HNF4G: variants seen among roughly 807,000 people sequenced by gnomAD.
The protein encoded by HNF4G is hepatocyte nuclear factor 4-gamma.
A neutral mutation model predicts 50.9 loss-of-function variants in HNF4G; 21 were observed. That is an observed-to-expected ratio of 0.41 (90% CI 0.29 to 0.59). The LOEUF is 0.59. Among genes scored for constraint, HNF4G ranks in the 20% least tolerant of loss-of-function variants. The probability of loss-of-function intolerance (pLI) is 0.26; values close to 1 mark genes in which losing one functional copy is unlikely to be tolerated. For missense variants in HNF4G, 527 were observed against 559.4 expected, an observed-to-expected ratio of 0.94 and a Z score of 0.58; for synonymous variants, 198 against 185.6, an observed-to-expected ratio of 1.07 and a Z score of -0.54.
chr8:75,522,866 GT>G (rs1279865882), intron 2 of HNF4G, among the ~76,000 whole-genome samples: 2 of 152,246 alleles, frequency 1.3e-5, no homozygotes, highest in East Asian at 3.9e-4. Context: ...TCTCACTGGA[GT>G]TTATTTACTT....
At chr8:75,473,353 A>C (rs1032480819) in intron 1 of HNF4G, among the ~76,000 whole-genome samples, 21 of 152,208 alleles carry the variant, frequency 1.4e-4, no homozygotes, top group Admixed American at 8.5e-4. Flanking sequence ...TATGTGATAC[A>C]TACATAAAAT....
chr8:75,411,739 C>T (rs1210007300), intron 1 of HNF4G, among the ~76,000 whole-genome samples: 2 of 152,112 alleles, frequency 1.3e-5, no homozygotes, highest in Non-Finnish European at 2.9e-5. Context: ...GGGCAGGCCT[C>T]GTTGTCAGAT....
At chr8:75,469,030 C>T (rs982345687) in intron 1 of HNF4G, among the ~76,000 whole-genome samples, 4 of 152,002 alleles carry the variant, frequency 2.6e-5, no homozygotes, top group African/African-American at 9.7e-5. Flanking sequence ...TATTTTTATA[C>T]TTAAAAGGCT....
intron 2 of HNF4G, among the ~76,000 whole-genome samples, chr8:75,501,216 G>A (rs1256160499): frequency 2.0e-5 from 3 of 152,106 alleles, no homozygotes; most frequent in Admixed American, 2.0e-4. Flanking sequence ...AATGTGGGGG[G>A]ATCACTTGAG....
At chr8:75,415,258 A>G (rs553486124) in intron 1 of HNF4G, among the ~76,000 whole-genome samples, 8 of 152,138 alleles carry the variant, frequency 5.3e-5, no homozygotes, top group African/African-American at 1.9e-4. Context: ...GAAGAGTTCT[A>G]TATATATTAT....
Position 75,445,780 on chromosome 8 carries a change from A to T in HNF4G, c.-144+37618A>T, listed in dbSNP as rs867656653. On this transcript the variant is annotated intron_variant, in intron 1 of 10. Transcript: ENST00000354370. ...CAATAACAGGAGCTGAAATTGTGGC[A>T]ATAATCAATAGTTTACCAACAAAAA... 4.2e-3 allele frequency among the ~76,000 whole-genome samples: 615 copies of T among 146,322 alleles called. 8 individuals carry two copies. The highest frequency in any genetic ancestry group is 0.01 in the South Asian group (47 of 4,568).
intron 1 of HNF4G, among the ~76,000 whole-genome samples, chr8:75,421,838 G>A (rs1208464444): frequency 1.3e-5 from 2 of 152,092 alleles, no homozygotes; most frequent in Non-Finnish European, 2.9e-5. Context: ...CCACATGCAC[G>A]GTGCACGTGG....
chr8:75,487,503 T>C (rs567008565), intron 1 of HNF4G, among the ~76,000 whole-genome samples: 39 of 152,284 alleles, frequency 2.6e-4, no homozygotes, highest in African/African-American at 8.9e-4. Flanking sequence ...TACTATCCAA[T>C]CACACTTCTC....
At chr8:75,407,984 C>G (rs995906826), upstream of HNF4G, 1 of 151,982 alleles carries the variant, frequency 6.6e-6, no homozygotes, top group African/African-American at 2.4e-5. Flanking sequence ...TCCGCCGCCG[C>G]CCGGGGCCCG....
At chr8:75,551,244 G>T in intron 3 of HNF4G, 144 bp from the exon 4 acceptor site, 1 of 557,030 alleles carries the variant, frequency 1.8e-6, no homozygotes. Context: ...TGAAAGTAGT[G>T]GAGAATGAAA....
At chr8:75,538,169 A>G (rs1320531664), upstream of HNF4G, among the ~76,000 whole-genome samples, 1 of 152,202 alleles carries the variant, frequency 6.6e-6, no homozygotes, top group Non-Finnish European at 1.5e-5. Context: ...AGAAAATAAC[A>G]TAAACTAACA....
At chr8:75,411,311 TG>T (rs1810496371) in intron 1 of HNF4G, among the ~76,000 whole-genome samples, 1 of 152,222 alleles carries the variant, frequency 6.6e-6, no homozygotes, top group African/African-American at 2.4e-5. Flanking sequence ...GAATATTCCC[TG>T]GGGAAGGCAC....
intron 5 of HNF4G, among the ~76,000 whole-genome samples, chr8:75,553,857 G>A (rs1050987996): frequency 6.6e-6 from 1 of 152,026 alleles, no homozygotes; most frequent in African/African-American, 2.4e-5. Context: ...TTTGTCATAT[G>A]CCCATTAGGA....
intron 2 of HNF4G, among the ~76,000 whole-genome samples, chr8:75,501,816 CACATAATTATCTTTTTTTCAT>C (rs1357351250): frequency 3.4e-5 from 4 of 118,460 alleles, no homozygotes; most frequent in African/African-American, 1.7e-4. Context: ...TGCATTATCT[CACATAATTATCTTTTTTTCAT>C]GATGAGAATA....
intron 1 of HNF4G, among the ~76,000 whole-genome samples, chr8:75,489,725 A>G (rs764566242): frequency 2.0e-5 from 3 of 152,232 alleles, no homozygotes; most frequent in Non-Finnish European, 4.4e-5. Flanking sequence ...TTGCTCTTCC[A>G]AGGTGAAATC....
chr8:75,551,161 A>G (rs570778368), intron 3 of HNF4G, among the ~76,000 whole-genome samples: 1 of 152,182 alleles, frequency 6.6e-6, no homozygotes, highest in Admixed American at 6.5e-5. Context: ...ACTTTCTAAC[A>G]TGCATGCTGT....
At position 75,551,462 on chromosome 8, in the gene HNF4G, A is replaced by G; in HGVS notation, c.457A>G (p.Thr153Ala). Residue 153 changes from threonine to alanine, a missense_variant, in exon 4 of 10, where the codon ACA becomes GCA. Physicochemically the swap from Thr to Ala is moderately conservative, Grantham distance 58. Coordinates refer to ENST00000396423, the MANE Select transcript of HNF4G (RefSeq NM_004133.5). ...FDGSNIPSIN[T>A]LAQAEVRSRQ... ...TGGCAGCAACATCCCCTCCATTAAC[A>G]CACTGGCACAAGCTGAAGTTCGGTC... The G allele has an allele frequency of 6.2e-7, 1 of 1,612,424 alleles. No homozygotes were observed. Among genetic ancestry groups the G allele is most frequent in the Non-Finnish European group, 8.5e-7 (1 of 1,178,620 alleles).
At position 75,458,369 on chromosome 8, in the gene HNF4G, C is replaced by CTTT. The variant is rs61411885; in HGVS notation, c.-143-31700_-143-31698dup. Reference sequence around the variant, plus strand: ...TGTTGGTTTATGTTTAATGGTCTAACTTTTTTTTTTTTTTTTTTTTTTACT... The same window carrying CTTT: ...TGTTGGTTTATGTTTAATGGTCTAACTTTTTTTTTTTTTTTTTTTTTTTTTACT... On this transcript the variant is annotated intron_variant, in intron 1 of 10. Coordinates refer to the HNF4G transcript ENST00000354370. 2.0e-4 allele frequency among the ~76,000 whole-genome samples: 24 copies of CTTT among 117,094 alleles called. 1 individual carries two copies. Among genetic ancestry groups the CTTT allele is most frequent in the South Asian group, 1.8e-3 (6 of 3,298 alleles). The allele number at this position is 117,094 out of a possible 152,430, so 76.8% of individuals were successfully genotyped here.
intron 1 of HNF4G, among the ~76,000 whole-genome samples, 195 bp downstream of exon 1, chr8:75,540,275 G>C (rs1286966051): frequency 6.6e-6 from 1 of 152,084 alleles, no homozygotes; most frequent in Non-Finnish European, 1.5e-5. Flanking sequence ...TTTTGTGTTA[G>C]AGGTAGAAAA....
Sources: gnomAD v4.1 joint callset for allele counts (sites outside exome capture counted in the v4.1 genomes callset) on GRCh38, gnomAD v4.1.1 for gene constraint, MANE v1.5 for transcripts, NCBI Gene and HGNC (gene_info 2026-07-23, HGNC 2026-07-21) for gene names.